TBX1: variants seen among roughly 807,000 people sequenced by gnomAD.
The protein encoded by TBX1 is T-box transcription factor TBX1.
In TBX1, 16 loss-of-function variants were observed where a neutral mutation model predicts 40.8. The ratio of observed to expected loss-of-function variants is 0.39; its 90% CI spans 0.27 to 0.60. The LOEUF (loss-of-function observed/expected upper bound fraction) is 0.60. Ranked by LOEUF, TBX1 falls within the 20% of genes least tolerant of loss-of-function variation. The pLI, the probability that TBX1 is intolerant of heterozygous loss-of-function variation, is 0.51. For synonymous variants in TBX1, 403 were observed against 336.8 expected, an observed-to-expected ratio of 1.20 and a Z score of -2.15; for missense variants, 755 against 728.5, an observed-to-expected ratio of 1.04 and a Z score of -0.42.
At chr22:19,760,774 C>T (rs1321949190), upstream of TBX1, 33 of 399,146 alleles carry the variant, frequency 8.3e-5, no homozygotes, top group South Asian at 9.6e-5. Flanking sequence ...GCGCGGCGCC[C>T]GCCACTCGGC....
upstream of TBX1, among the ~76,000 whole-genome samples, chr22:19,759,124 C>T (rs142898692): frequency 2.6e-3 from 400 of 152,304 alleles, 1 homozygote; most frequent in African/African-American, 9.1e-3. Context: ...GGCATAGACA[C>T]CTCTCCTCGG....
chr22:19,774,949 T>A (rs1937043047), intron 8 of TBX1, among the ~76,000 whole-genome samples: 1 of 152,158 alleles, frequency 6.6e-6, no homozygotes, highest in Non-Finnish European at 1.5e-5. Flanking sequence ...CAATGGCACA[T>A]TCTTTATTTT....
chr22:19,771,838 C>T (rs1490925853), downstream of TBX1, among the ~76,000 whole-genome samples: 1 of 152,248 alleles, frequency 6.6e-6, no homozygotes, highest in Non-Finnish European at 1.5e-5. Flanking sequence ...GGTGCAGTGG[C>T]AGTTGCCAGG....
intron 6 of TBX1, 88 bp downstream of exon 6, chr22:19,766,090 C>A (rs1255902552): frequency 4.1e-5 from 48 of 1,165,024 alleles, no homozygotes; most frequent in Non-Finnish European, 5.2e-5. Context: ...CCTGCGCCCC[C>A]GGGGCGCTCC....
intron 8 of TBX1, among the ~76,000 whole-genome samples, chr22:19,774,879 G>A (rs1937041696): frequency 7.1e-6 from 1 of 141,304 alleles, no homozygotes; most frequent in Admixed American, 7.4e-5. Flanking sequence ...TTCATCTGGA[G>A]GTGGACGCAC....
chr22:19,757,891 A>C (rs1223634649), upstream of TBX1, among the ~76,000 whole-genome samples: 1 of 152,202 alleles, frequency 6.6e-6, no homozygotes, highest in Admixed American at 6.5e-5. Flanking sequence ...AAAATGCACT[A>C]AGGACAGCTT....
upstream of TBX1, chr22:19,759,756 T>C (rs1197180407): frequency 6.6e-7 from 1 of 1,523,612 alleles, no homozygotes; most frequent in Non-Finnish European, 9.0e-7. Context: ...GGGTGCAAAG[T>C]AGGTGGAGGC....
At chr22:19,770,478 G>A (rs1356936436), downstream of TBX1, among the ~76,000 whole-genome samples, 1 of 152,232 alleles carries the variant, frequency 6.6e-6, no homozygotes, top group African/African-American at 2.4e-5. Context: ...GCCCAGAGAG[G>A]CTTCTCACCC....
chr22:19,762,378 A>AG (rs1936697937), intron 1 of TBX1, among the ~76,000 whole-genome samples: 1 of 152,116 alleles, frequency 6.6e-6, no homozygotes, highest in Non-Finnish European at 1.5e-5. Context: ...GTTGCTTGTG[A>AG]GGGGAGGCAG....
At position 19,779,087 on chromosome 22, in the gene TBX1, G is replaced by A. The variant is rs181558084; in HGVS notation, c.1010-133G>A. 7.4e-5 allele frequency: 79 copies of A among 1,067,290 alleles called. 3 individuals are homozygous for A. In the East Asian group the frequency reaches 2.0e-3, roughly 27 times the overall value. 66.1% of individuals were successfully genotyped at this position (1,067,290 alleles called of 1,614,324 possible). A position where few individuals can be genotyped will look rare whatever the true frequency, so the allele number is the denominator to read the frequency against. Reference sequence around the variant, plus strand: ...TGTCCTGTGGGCGGCTCGGCTCGTTGGGAGATGCAGTCCTGTCCTGCCCTT... The same window carrying A: ...TGTCCTGTGGGCGGCTCGGCTCGTTAGGAGATGCAGTCCTGTCCTGCCCTT... On this transcript the variant is annotated intron_variant, in intron 8 of 8. Coordinates refer to the TBX1 transcript ENST00000329705.
chr22:19,780,776 G>GGTTTTTTTTTT (rs1555898567), downstream of TBX1, among the ~76,000 whole-genome samples: 3 of 119,108 alleles, frequency 2.5e-5, no homozygotes, highest in African/African-American at 1.0e-4. Flanking sequence ...CTTGTTTTCT[G>GGTTTTTTTTTT]TTTTTTTTTT....
chr22:19,759,156 G>A (rs568220079), upstream of TBX1, among the ~76,000 whole-genome samples: 1 of 152,330 alleles, frequency 6.6e-6, no homozygotes, highest in East Asian at 1.9e-4. Context: ...AGCTGACGGT[G>A]GCTTCGCTGC....
downstream of TBX1, among the ~76,000 whole-genome samples, chr22:19,768,659 CTT>C (rs1182224784): frequency 6.6e-6 from 1 of 152,182 alleles, no homozygotes; most frequent in Admixed American, 6.5e-5. Flanking sequence ...GCCTCCCTCT[CTT>C]GCTGTCAGAA....
chr22:19,769,617 A>G (rs377656207), downstream of TBX1, among the ~76,000 whole-genome samples: 63 of 152,310 alleles, frequency 4.1e-4, no homozygotes, highest in South Asian at 0.012. Context: ...TGTCTGGCTG[A>G]TGCCCCAGCC....
chr22:19,782,800 C>T, downstream of TBX1: 1 of 1,593,302 alleles, frequency 6.3e-7, no homozygotes, highest in South Asian at 1.1e-5. Flanking sequence ...TGTGTTCACT[C>T]TTTCTTGCTA....
chr22:19,780,786 TTG>T (rs1248590753), downstream of TBX1, among the ~76,000 whole-genome samples: 5 of 145,198 alleles, frequency 3.4e-5, no homozygotes, highest in South Asian at 2.3e-4. Flanking sequence ...GTTTTTTTTT[TTG>T]TTTTTTTTTT....
Position 19,766,919 on chromosome 22 carries a change from CG to C in TBX1, c.*55del. 1 of 1,567,994 alleles carries C rather than the reference CG, an allele frequency of 6.4e-7. No individual in the cohort carries two copies. Among genetic ancestry groups the C allele is most frequent in the Non-Finnish European group, 8.6e-7 (1 of 1,165,816 alleles). Reference sequence around the variant, plus strand: ...GGTCCTGCACAGCCCCGAAGTTCGCCGGGCCCGGCCACCCTGCCCCAAGGGC... The same window carrying C: ...GGTCCTGCACAGCCCCGAAGTTCGCCGGCCCGGCCACCCTGCCCCAAGGGC... On this transcript the variant is annotated 3_prime_UTR_variant, in exon 7 of 7. Transcript: ENST00000649276.
chr22:19,782,415 T>C (rs1373800414), downstream of TBX1, among the ~76,000 whole-genome samples: 3 of 152,218 alleles, frequency 2.0e-5, no homozygotes, highest in African/African-American at 7.2e-5. Context: ...TAATGCTGAG[T>C]CTCTTTTGAT....
intron 4 of TBX1, among the ~76,000 whole-genome samples, chr22:19,765,496 A>G (rs1435353491): frequency 6.6e-6 from 1 of 152,072 alleles, no homozygotes; most frequent in East Asian, 1.9e-4. Context: ...TGTCCCAGCG[A>G]GGAGCACAGG....
Sources: allele counts gnomAD v4.1 joint callset (sites outside exome capture counted in the v4.1 genomes callset), GRCh38; gene constraint gnomAD v4.1.1; transcripts MANE v1.5; gene names NCBI Gene and HGNC (gene_info 2026-07-23, HGNC 2026-07-21).